Variants in BRD10 observed in about 807,000 individuals in gnomAD.
The protein encoded by BRD10 is bromodomain containing 10.
At chr9:5,938,769 T>C in the BRD10 span, among the ~76,000 whole-genome samples, 1 of 152,214 alleles carries the variant, frequency 6.6e-6, no homozygotes, top group Non-Finnish European at 1.5e-5. Flanking sequence ...TGAGATAGTT[T>C]TCAGTTTTGT....
the BRD10 span, among the ~76,000 whole-genome samples, chr9:5,925,369 A>G: frequency 3.9e-4 from 59 of 151,702 alleles, no homozygotes; most frequent in African/African-American, 1.4e-3. Context: ...AAAAAAAAAA[A>G]AAAAGAAAGA....
the BRD10 span, among the ~76,000 whole-genome samples, chr9:5,878,974 A>G: frequency 5.9e-5 from 9 of 152,370 alleles, no homozygotes; most frequent in East Asian, 1.7e-3. Context: ...GGTTGATGCC[A>G]GAGCTCCTGC....
At chr9:5,921,740 C>A in the BRD10 span, 1 of 1,613,824 alleles carries the variant, frequency 6.2e-7, no homozygotes, top group African/African-American at 1.3e-5. Flanking sequence ...TGCTGATATG[C>A]TAATTACACT....
chr9:5,976,310 C>G, the BRD10 span, among the ~76,000 whole-genome samples: 1 of 152,162 alleles, frequency 6.6e-6, no homozygotes, highest in East Asian at 1.9e-4. Flanking sequence ...CTGAATTTCT[C>G]TACACTTTAT....
the BRD10 span, among the ~76,000 whole-genome samples, chr9:5,914,347 T>G: frequency 6.6e-6 from 1 of 151,584 alleles, no homozygotes; most frequent in Non-Finnish European, 1.5e-5. Flanking sequence ...TGATGGTACA[T>G]TTGCTTAAAT....
the BRD10 span, among the ~76,000 whole-genome samples, chr9:5,901,852 A>AC: frequency 6.6e-6 from 1 of 152,240 alleles, no homozygotes; most frequent in South Asian, 2.1e-4. Context: ...AGGTTTGCAT[A>AC]CCTGGCATAA....
At chr9:5,920,053 T>C in the BRD10 span, 4 of 1,613,992 alleles carry the variant, frequency 2.5e-6, no homozygotes, top group South Asian at 1.1e-5. Context: ...GTTGTGGTGA[T>C]GTATGTACTG....
At chr9:5,973,759 G>T in the BRD10 span, among the ~76,000 whole-genome samples, 3 of 152,130 alleles carry the variant, frequency 2.0e-5, no homozygotes, top group Admixed American at 6.6e-5. Context: ...GCACAGGCCT[G>T]TGGTCCCAGC....
the BRD10 span, among the ~76,000 whole-genome samples, chr9:5,953,797 T>A: frequency 1.3e-5 from 2 of 152,030 alleles, no homozygotes; most frequent in Admixed American, 6.6e-5. Flanking sequence ...AAAAAGGGTT[T>A]TTATTATTAA....
the BRD10 span, among the ~76,000 whole-genome samples, chr9:5,956,668 A>G: frequency 5.3e-5 from 8 of 152,306 alleles, no homozygotes; most frequent in East Asian, 1.5e-3. Flanking sequence ...AAAAGCCTAA[A>G]CAGAAAATCT....
chr9:5,950,380 A>G, the BRD10 span, among the ~76,000 whole-genome samples: 1 of 152,194 alleles, frequency 6.6e-6, no homozygotes, highest in Non-Finnish European at 1.5e-5. Flanking sequence ...TCACAACTCT[A>G]CAAGGAAGGT....
At chr9:5,972,204 GA>G in the BRD10 span, among the ~76,000 whole-genome samples, 1 of 152,058 alleles carries the variant, frequency 6.6e-6, no homozygotes. Context: ...GGAGGGATAG[GA>G]AGAAAGAATC....
chr9:5,881,531 G>T, the BRD10 span: 1 of 152,298 alleles, frequency 6.6e-6, no homozygotes. Flanking sequence ...CCCAGGTGGT[G>T]CTGGGGCCTG....
chr9:5,987,363 T>G, the BRD10 span, among the ~76,000 whole-genome samples: 1 of 152,202 alleles, frequency 6.6e-6, no homozygotes, highest in African/African-American at 2.4e-5. Flanking sequence ...AGATGTAGAC[T>G]ACTACAGCCT....
At chr9:5,992,421 G>C in the BRD10 span, among the ~76,000 whole-genome samples, 1 of 152,076 alleles carries the variant, frequency 6.6e-6, no homozygotes, top group Non-Finnish European at 1.5e-5. Context: ...CTATCTACTT[G>C]AGTTCCATTA....
At chr9:6,005,284 G>T in the BRD10 span, among the ~76,000 whole-genome samples, 1 of 151,684 alleles carries the variant, frequency 6.6e-6, no homozygotes, top group Non-Finnish European at 1.5e-5. Flanking sequence ...GCCGAGGCGG[G>T]CGGATCACCT....
the BRD10 span, among the ~76,000 whole-genome samples, chr9:5,987,054 T>G: frequency 0.015 from 2,358 of 152,278 alleles, 24 homozygotes; most frequent in Non-Finnish European, 0.023. Flanking sequence ...ACTCAAAAAC[T>G]GTATGACCTT....
At chr9:5,933,353 T>C in the BRD10 span, among the ~76,000 whole-genome samples, 1 of 152,204 alleles carries the variant, frequency 6.6e-6, no homozygotes, top group South Asian at 2.1e-4. Flanking sequence ...ACAAGCAGTA[T>C]TTTTCTTTTA....
the BRD10 span, among the ~76,000 whole-genome samples, chr9:5,950,835 T>C: frequency 3.3e-5 from 5 of 152,162 alleles, no homozygotes; most frequent in African/African-American, 7.2e-5. Flanking sequence ...TCCTCCCATA[T>C]ACTTTAGGTC....
Sources: gnomAD v4.1 joint callset for allele counts (sites outside exome capture counted in the v4.1 genomes callset) on GRCh38, gnomAD v4.1.1 for gene constraint, MANE v1.5 for transcripts, NCBI Gene and HGNC (gene_info 2026-07-23, HGNC 2026-07-21) for gene names.